TBCK: variants seen among roughly 807,000 people sequenced by gnomAD.
TBCK encodes TBC domain-containing protein kinase-like protein.
Under a neutral mutation model 113.4 loss-of-function variants are expected in TBCK, and 99 were observed. That is an observed-to-expected ratio of 0.87 (90% CI 0.74 to 1.03). The LOEUF is 1.03. TBCK is among the 50% of genes least tolerant of loss of function. TBCK has a pLI of 0.00. For missense variants in TBCK, 1,045 were observed against 1,061.3 expected (o/e 0.98, Z 0.21); for synonymous variants, 369 against 370.8 (o/e 1.00, Z 0.05).
chr4:106,289,193 A>C (rs1683795640), intron 3 of TBCK, among the ~76,000 whole-genome samples: 1 of 152,216 alleles, frequency 6.6e-6, no homozygotes, highest in South Asian at 2.1e-4. Flanking sequence ...ATAGGTGGAC[A>C]TGTATTTTTC....
At chr4:106,307,928 A>G (rs1045635039) in intron 2 of TBCK, among the ~76,000 whole-genome samples, 5 of 152,090 alleles carry the variant, frequency 3.3e-5, no homozygotes, top group African/African-American at 1.2e-4. Flanking sequence ...TCAGTTCTCT[A>G]AATGGGCTGC....
chr4:106,168,603 A>T (rs1750658536), intron 23 of TBCK, among the ~76,000 whole-genome samples: 1 of 151,914 alleles, frequency 6.6e-6, no homozygotes, highest in Non-Finnish European at 1.5e-5. Context: ...GAAGGAACTG[A>T]GCAAAAAACT....
intron 23 of TBCK, among the ~76,000 whole-genome samples, chr4:106,165,192 T>C (rs1017603315): frequency 2.0e-5 from 3 of 151,762 alleles, no homozygotes; most frequent in African/African-American, 4.8e-5. Flanking sequence ...TCAAAAACAT[T>C]CAATCTATTA....
chr4:106,172,456 C>A (rs763073253), intron 22 of TBCK, among the ~76,000 whole-genome samples: 10 of 152,122 alleles, frequency 6.6e-5, no homozygotes, highest in Non-Finnish European at 1.5e-4. Context: ...AAGAAGTTGA[C>A]TGTGATGGAG....
At chr4:106,191,190 G>A (rs1011249185) in intron 22 of TBCK, among the ~76,000 whole-genome samples, 5 of 152,060 alleles carry the variant, frequency 3.3e-5, no homozygotes, top group Admixed American at 1.3e-4. Flanking sequence ...AGAAGTTATC[G>A]CGAGATGATC....
At chr4:106,118,340 G>A (rs1743807315) in intron 23 of TBCK, among the ~76,000 whole-genome samples, 1 of 152,152 alleles carries the variant, frequency 6.6e-6, no homozygotes, top group Non-Finnish European at 1.5e-5. Context: ...CAGTGGTAAA[G>A]CACTTGTTCT....
chr4:106,146,317 C>T (rs1056433706), intron 23 of TBCK, among the ~76,000 whole-genome samples: 2 of 152,132 alleles, frequency 1.3e-5, no homozygotes, highest in Non-Finnish European at 2.9e-5. Context: ...GAGCTGAAGG[C>T]TATTATCCTC....
At chr4:106,209,725 T>C (rs899258121) in intron 20 of TBCK, among the ~76,000 whole-genome samples, 8 of 152,160 alleles carry the variant, frequency 5.3e-5, no homozygotes, top group African/African-American at 1.7e-4. Context: ...TTCTCTCTTG[T>C]ATTTTACTAG....
chr4:106,054,921 T>A lies in TBCK; in HGVS notation c.2572-8241A>T, dbSNP rs180947003. ...GAGTTGAACAGGCAAGATGATTTTT[T>A]AAAATGATATCTTAGGTAAAAGACA... On this transcript the variant is annotated intron_variant, in intron 25 of 25. Coordinates refer to ENST00000394708, the MANE Select transcript of TBCK (RefSeq NM_001163435.3). Among the ~76,000 whole-genome samples, 379 of 151,758 alleles carry A rather than the reference T, an allele frequency of 2.5e-3. 1 individual carries two copies. The highest frequency in any genetic ancestry group is 8.3e-3 in the African/African-American group (344 of 41,472).
At chr4:106,160,789 A>G (rs544058777) in intron 23 of TBCK, among the ~76,000 whole-genome samples, 5 of 152,214 alleles carry the variant, frequency 3.3e-5, no homozygotes, top group African/African-American at 1.2e-4. Context: ...AACTGAAACC[A>G]GAATCTTGAA....
intron 24 of TBCK, among the ~76,000 whole-genome samples, chr4:106,114,997 T>C (rs986066641): frequency 6.6e-6 from 1 of 152,098 alleles, no homozygotes; most frequent in Admixed American, 6.5e-5. Context: ...CTCAGAAAAA[T>C]AGAAAGTAGC....
intron 23 of TBCK, among the ~76,000 whole-genome samples, chr4:106,125,983 G>C (rs913305167): frequency 6.6e-6 from 1 of 152,170 alleles, no homozygotes; most frequent in Non-Finnish European, 1.5e-5. Flanking sequence ...GGCAAGATAT[G>C]TGCTCTATAA....
At chr4:106,267,582 A>T (rs987910998) in intron 3 of TBCK, among the ~76,000 whole-genome samples, 4 of 152,022 alleles carry the variant, frequency 2.6e-5, no homozygotes, top group Non-Finnish European at 1.5e-5. Flanking sequence ...GGTGAGACCA[A>T]AAGAGACCTA....
intron 12 of TBCK, among the ~76,000 whole-genome samples, chr4:106,241,091 T>C (rs1034677064): frequency 3.9e-5 from 6 of 151,924 alleles, no homozygotes; most frequent in African/African-American, 1.4e-4. Flanking sequence ...GCTTTTCAAC[T>C]TTTCTGTTTA....
At chr4:106,278,909 C>T (rs1402955163) in intron 3 of TBCK, among the ~76,000 whole-genome samples, 1 of 151,774 alleles carries the variant, frequency 6.6e-6, no homozygotes, top group Non-Finnish European at 1.5e-5. Flanking sequence ...AGATAAAAGA[C>T]AAAATAAAAT....
chr4:106,278,967 G>A (rs1296579108), intron 3 of TBCK, among the ~76,000 whole-genome samples: 1 of 151,968 alleles, frequency 6.6e-6, no homozygotes, highest in Non-Finnish European at 1.5e-5. Flanking sequence ...AATTCCAAGT[G>A]CTTATTTAGT....
chr4:106,286,781 C>CACAGTAAGCGAGGTCAAGGCT (rs1313720992), intron 3 of TBCK, among the ~76,000 whole-genome samples: 2 of 151,122 alleles, frequency 1.3e-5, no homozygotes, highest in Admixed American at 6.6e-5. Context: ...AAGCAGCGAT[C>CACAGTAAGCGAGGTCAAGGCT]ACAGTAAGCG....
At chr4:106,117,866 G>A (rs7674466) in intron 23 of TBCK, among the ~76,000 whole-genome samples, 31,230 of 151,828 alleles carry the variant, frequency 0.21, 3,511 homozygotes, top group South Asian at 0.27. Context: ...AAAATTAGCC[G>A]GGCGTGGCAG....
Position 106,260,506 on chromosome 4 carries a change from T to C in TBCK, c.386A>G (p.His129Arg), listed in dbSNP as rs1762402325. 5 of 1,257,068 alleles carry C rather than the reference T, an allele frequency of 4.0e-6. No homozygotes were observed. Among genetic ancestry groups the C allele is most frequent in the Non-Finnish European group, 5.4e-6 (5 of 931,292 alleles). 77.9% of individuals were successfully genotyped at this position (1,257,068 alleles called of 1,614,324 possible). ...AAGTCCAAATTTAGCCAATTTAATA[T>C]GTCCCTATGATAATAAAGAAAAAAA... ...PHNILLDRKGHIKLAKFGLYH... is the reference protein window; with the variant it reads ...PHNILLDRKGRIKLAKFGLYH... Residue 129 changes from histidine (H) to arginine (R), a missense_variant, in exon 5 of 26, where the codon CAT becomes CGT. Coordinates refer to ENST00000394708, the MANE Select transcript of TBCK (RefSeq NM_001163435.3).
Sources: allele counts gnomAD v4.1 joint callset (sites outside exome capture counted in the v4.1 genomes callset), GRCh38; gene constraint gnomAD v4.1.1; transcripts MANE v1.5; gene names NCBI Gene and HGNC (gene_info 2026-07-23, HGNC 2026-07-21).